DAB2: variants seen among roughly 807,000 people sequenced by gnomAD.
DAB2 encodes the protein disabled homolog 2.
Under a neutral mutation model 71.6 loss-of-function variants are expected in DAB2, and 28 were observed. That is an observed-to-expected ratio of 0.39 (90% CI 0.29 to 0.54). The LOEUF (loss-of-function observed/expected upper bound fraction) is 0.54. DAB2 is among the 20% of genes least tolerant of loss of function. The pLI is 0.68. For missense variants in DAB2, 867 were observed against 928.8 expected, an observed-to-expected ratio of 0.93 and a Z score of 0.86; for synonymous variants, 345 against 339.7, an observed-to-expected ratio of 1.02 and a Z score of -0.17.
At chr5:39,380,602 C>T (rs1411066473) in intron 11 of DAB2, among the ~76,000 whole-genome samples, 3 of 152,128 alleles carry the variant, frequency 2.0e-5, no homozygotes, top group African/African-American at 7.2e-5. Flanking sequence ...GAAAACTGTA[C>T]CATGGAGTCT....
intron 1 of DAB2, chr5:39,417,242 C>T (rs1302647389): frequency 6.6e-6 from 1 of 151,852 alleles, no homozygotes; most frequent in Admixed American, 6.6e-5. Context: ...CACATGTATA[C>T]CTATGTAACA....
At chr5:39,418,109 C>T (rs1352400395) in intron 1 of DAB2, 1 of 152,182 alleles carries the variant, frequency 6.6e-6, no homozygotes, top group Non-Finnish European at 1.5e-5. Flanking sequence ...ACAACAACAA[C>T]AAAACCTAAT....
chr5:39,374,339 T>C, intron 14 of DAB2, among the ~76,000 whole-genome samples: 1 of 151,756 alleles, frequency 6.6e-6, no homozygotes, highest in East Asian at 1.9e-4. Flanking sequence ...AAAGTTGCTG[T>C]CACCTTCTGT....
At position 39,382,850 on chromosome 5, in the gene DAB2, T is replaced by G; in HGVS notation, c.1109A>C (p.Gln370Pro). The G allele has an allele frequency of 6.2e-7, 1 of 1,614,152 alleles. No individual in the cohort carries two copies. The highest frequency in any genetic ancestry group is 1.3e-5 in the African/African-American group (1 of 75,054). ...TTGAGTTCTCACTGCTGGCTGGGTT[T>G]GCGAACTTGAAAAGGGCCATGGGCC... ...QAGPWPFSSSQTQPAVRTQNG... is the reference protein window; with the variant it reads ...QAGPWPFSSSPTQPAVRTQNG... Residue 370 changes from glutamine to proline, a missense_variant, in exon 10 of 15, where the codon CAA (glutamine) becomes CCA (proline). This residue lies in a region of DAB2 where 740 missense variants were observed against 734.3 expected (regional missense o/e 1.01). Coordinates refer to ENST00000320816, the MANE Select transcript of DAB2 (RefSeq NM_001343.4).
At chr5:39,390,282 T>A (rs1755193773) in intron 5 of DAB2, among the ~76,000 whole-genome samples, 162 bp downstream of exon 5, 1 of 152,194 alleles carries the variant, frequency 6.6e-6, no homozygotes, top group African/African-American at 2.4e-5. Flanking sequence ...ATCAATGACA[T>A]TTTTAAAAGA....
chr5:39,410,817 C>T (rs1755710200), intron 1 of DAB2, among the ~76,000 whole-genome samples: 2 of 139,804 alleles, frequency 1.4e-5, no homozygotes, highest in South Asian at 4.5e-4. Context: ...AAAAAAAAAA[C>T]TATGAATTAT....
intron 1 of DAB2, chr5:39,417,605 A>C (rs921183955): frequency 5.9e-5 from 9 of 152,286 alleles, no homozygotes; most frequent in African/African-American, 2.2e-4. Flanking sequence ...ACTCTGTACC[A>C]CTTAACTACA....
chr5:39,394,519 C>T (rs185552728), intron 1 of DAB2, 98 bp from the exon 2 acceptor site: 1 of 571,808 alleles, frequency 1.7e-6, no homozygotes, highest in Non-Finnish European at 3.1e-6. Context: ...TTTTGTAGTT[C>T]TTTGGACTCA....
At chr5:39,388,219 A>G in intron 9 of DAB2, 86 bp downstream of exon 9, 3 of 960,250 alleles carry the variant, frequency 3.1e-6, no homozygotes, top group Non-Finnish European at 3.3e-6. Context: ...CCAAGTTTCA[A>G]TGAGATGCTT....
Position 39,382,645 on chromosome 5 carries a change from T to C in DAB2, c.1314A>G (p.Lys438=). Residue 438 remains lysine (K), a synonymous_variant, in exon 10 of 15, where the codon AAA becomes AAG. Coordinates refer to ENST00000320816, the MANE Select transcript of DAB2 (RefSeq NM_001343.4). ...TAGCAGTCCTTCTGCCTCTTCCTGG[T>C]TTGGTACTTTGTGGAGGTGGGATAA... ...IAIIPPPQST[K]PGRGRRTAKS... is the part of the protein sequence containing the mutation. 6.2e-7 allele frequency: 1 copy of C among 1,613,898 alleles called. No individual in the cohort carries two copies.
chr5:39,396,098 G>T (rs1470965371), intron 1 of DAB2, among the ~76,000 whole-genome samples: 1 of 151,824 alleles, frequency 6.6e-6, no homozygotes, highest in East Asian at 1.9e-4. Flanking sequence ...ACAGGTGAGG[G>T]GCACTACGCC....
At chr5:39,387,542 TAGC>T (rs920339417) in intron 9 of DAB2, among the ~76,000 whole-genome samples, 36 of 152,142 alleles carry the variant, frequency 2.4e-4, no homozygotes, top group Non-Finnish European at 1.0e-4. Context: ...GCCTTGCAAA[TAGC>T]AGGTGCTCAG....
chr5:39,393,102 CG>C, intron 3 of DAB2, 151 bp downstream of exon 3: 1 of 737,766 alleles, frequency 1.4e-6, no homozygotes, highest in Non-Finnish European at 2.2e-6. Flanking sequence ...CAAACACTCA[CG>C]GTTTCTCAGA....
chr5:39,380,944 C>A (rs550465627), intron 11 of DAB2, among the ~76,000 whole-genome samples: 5 of 152,204 alleles, frequency 3.3e-5, no homozygotes, highest in Admixed American at 6.5e-5. Flanking sequence ...CACCTAGGAA[C>A]ACAGCTGGGC....
rs1271163445 is a variant in DAB2 at position 39,383,041 on chromosome 5, C to T, written c.918G>A (p.Ser306=). 5.6e-6 allele frequency: 9 copies of T among 1,613,878 alleles called. No individual in the cohort carries two copies. Among genetic ancestry groups the T allele is most frequent in the African/African-American group, 1.3e-5 (1 of 74,914 alleles). Residue 306 remains serine, a synonymous_variant, in exon 10 of 15, where the codon TCG becomes TCA. Coordinates refer to ENST00000320816, the MANE Select transcript of DAB2 (RefSeq NM_001343.4). ...RDDPFTQPDQ[S]TPSSFDSLKS... ...TGAGAGAATCAAACGAAGAAGGTGT[C>T]GATTGGTCTGGCTGTGTGAAAGGAT...
chr5:39,424,726 GA>G (rs1756065912), intron 1 of DAB2, 77 bp downstream of exon 1: 1 of 150,568 alleles, frequency 6.6e-6, no homozygotes, highest in African/African-American at 2.5e-5. Flanking sequence ...GGGGGTGAGA[GA>G]GGGGGAGCAA....
At chr5:39,407,868 C>T (rs1755642188) in intron 1 of DAB2, among the ~76,000 whole-genome samples, 1 of 152,192 alleles carries the variant, frequency 6.6e-6, no homozygotes, top group Non-Finnish European at 1.5e-5. Context: ...GGGCTACGTA[C>T]ACTAGTAGAA....
At chr5:39,415,001 A>T (rs1755815627) in intron 1 of DAB2, among the ~76,000 whole-genome samples, 1 of 152,094 alleles carries the variant, frequency 6.6e-6, no homozygotes, top group Non-Finnish European at 1.5e-5. Context: ...GTTATAACTG[A>T]TGCTATGTGT....
rs1041143857 is a variant in DAB2 at position 39,374,832 on chromosome 5, A to G, written c.*5+182T>C. The G allele has an allele frequency of 6.7e-5, 39 of 579,486 alleles. No individual in the cohort carries two copies. In the Admixed American group the frequency reaches 7.5e-4, roughly 11 times the overall value. The allele number at this position is 579,486 out of a possible 1,614,324, so 35.9% of individuals were successfully genotyped here. A position where few individuals can be genotyped will look rare whatever the true frequency, so the allele number is the denominator to read the frequency against. ...ATTTTTTGATGTGTTTAGGAATTCT[A>G]TTCTTAAGTGCCCAGCCTAGTCATT... On this transcript the variant is annotated intron_variant, in intron 14 of 14. Transcript: ENST00000320816.
Sources: gnomAD v4.1 joint callset for allele counts (sites outside exome capture counted in the v4.1 genomes callset) on GRCh38, gnomAD v4.1.1 for gene constraint, gnomAD v4.1.1 regional missense constraint, MANE v1.5 for transcripts, NCBI Gene and HGNC (gene_info 2026-07-23, HGNC 2026-07-21) for gene names.